Variants in PPP6C observed in about 807,000 individuals in gnomAD.
The protein encoded by PPP6C is serine/threonine-protein phosphatase 6 catalytic subunit.
PPP6C carries 11 observed loss-of-function variants against 39.8 expected under a neutral mutation model. That is an observed-to-expected ratio of 0.28 (90% CI 0.17 to 0.46). PPP6C has a LOEUF of 0.46. Among genes scored for constraint, PPP6C ranks in the 20% least tolerant of loss-of-function variants. PPP6C has a pLI of 1.00. For synonymous variants in PPP6C, 129 were observed against 130.3 expected (o/e 0.99, Z 0.07); for missense variants, 211 against 373.9 (o/e 0.56, Z 3.59).
At chr9:125,174,066 G>C (rs560067207) in intron 1 of PPP6C, among the ~76,000 whole-genome samples, 1 of 152,314 alleles carries the variant, frequency 6.6e-6, no homozygotes, top group African/African-American at 2.4e-5. Flanking sequence ...GCTATATACA[G>C]GGAACTGGAG....
chr9:125,183,959 T>C (rs568325190), intron 1 of PPP6C, among the ~76,000 whole-genome samples: 10 of 152,244 alleles, frequency 6.6e-5, no homozygotes, highest in South Asian at 2.1e-4. Context: ...CAAGGAACCA[T>C]GTAAATAAGT....
At chr9:125,150,421 GGTGTGTGTGT>G (rs113973939) in intron 6 of PPP6C, among the ~76,000 whole-genome samples, 1 of 149,856 alleles carries the variant, frequency 6.7e-6, no homozygotes, top group African/African-American at 2.5e-5. Context: ...CAATATAAGG[GGTGTGTGTGT>G]GTGTGTGTGT....
Position 125,188,921 on chromosome 9 carries a change from C to A in PPP6C, c.75+723G>T. The A allele has an allele frequency of 1.9e-6, 3 of 1,548,996 alleles. No homozygotes were observed. The South Asian group carries it at 3.6e-5, about 18-fold the overall frequency. On this transcript the variant is annotated intron_variant, in intron 1 of 6. Transcript: ENST00000373547. The stretch of plus-strand genomic sequence containing the variant: ...CTCAGGAGTAACAAGGAACTCACCT[C>A]CTTTAGAAAACGAAGAAAATGAAAT...
chr9:125,171,460 T>TAC (rs138335451), intron 1 of PPP6C, among the ~76,000 whole-genome samples: 2,010 of 95,318 alleles, frequency 0.021, 29 homozygotes, highest in Middle Eastern at 0.051. Flanking sequence ...CACACACATA[T>TAC]ACACACACAC....
intron 2 of PPP6C, among the ~76,000 whole-genome samples, chr9:125,165,758 G>A (rs564570980): frequency 2.7e-5 from 4 of 148,638 alleles, no homozygotes; most frequent in African/African-American, 5.0e-5. Context: ...AAAGTTAATC[G>A]CAATATGAAA....
intron 4 of PPP6C, among the ~76,000 whole-genome samples, chr9:125,156,969 A>G (rs1836092227): frequency 6.6e-6 from 1 of 151,850 alleles, no homozygotes. Flanking sequence ...CCCCACCACC[A>G]TGCCCGGCTA....
intron 3 of PPP6C, 38 bp downstream of exon 3, chr9:125,160,803 T>C (rs1354222030): frequency 8.5e-6 from 12 of 1,416,990 alleles, no homozygotes; most frequent in Non-Finnish European, 1.9e-6. Flanking sequence ...ATCCTTTCCA[T>C]TTTAAACAAG....
chr9:125,162,105 A>T (rs1302015138), intron 2 of PPP6C, among the ~76,000 whole-genome samples: 1 of 151,720 alleles, frequency 6.6e-6, no homozygotes, highest in Non-Finnish European at 1.5e-5. Flanking sequence ...AAAAAAAAAC[A>T]ACTTTAGGAA....
intron 1 of PPP6C, 89 bp from the exon 2 acceptor site, chr9:125,171,269 A>C: frequency 2.0e-6 from 2 of 1,000,788 alleles, no homozygotes; most frequent in South Asian, 3.6e-5. Flanking sequence ...CAGGTCTAAT[A>C]CTTACAAAAC....
chr9:125,148,180 T>C lies in PPP6C; in HGVS notation c.*1493A>G, dbSNP rs1180348967. 3 of 169,462 alleles carry C rather than the reference T, an allele frequency of 1.8e-5. No individual in the cohort carries two copies. The highest frequency in any genetic ancestry group is 3.8e-5 in the Non-Finnish European group (3 of 79,208). The allele number at this position is 169,462 out of a possible 1,614,324, so 10.5% of individuals were successfully genotyped here. ...GACTATAAAGATTTTTATTGCATTT[T>C]TAGGTAACCTGGAAGTTCTTATCCT... is the stretch of plus-strand genomic sequence containing the variant. On this transcript the variant is annotated 3_prime_UTR_variant, in exon 7 of 7. Transcript: ENST00000373547.
intron 1 of PPP6C, among the ~76,000 whole-genome samples, chr9:125,174,893 CAG>C (rs1356150922): frequency 1.3e-5 from 2 of 151,598 alleles, no homozygotes; most frequent in Admixed American, 6.6e-5. Flanking sequence ...GTCTGGGCGA[CAG>C]AGTGAGAACC....
intron 1 of PPP6C, among the ~76,000 whole-genome samples, chr9:125,183,788 C>G (rs563433400): frequency 6.6e-6 from 1 of 152,272 alleles, no homozygotes; most frequent in South Asian, 2.1e-4. Flanking sequence ...ATCTCTGACT[C>G]TAAAGTTACA....
intron 6 of PPP6C, chr9:125,151,680 C>T (rs567153870): frequency 2.1e-5 from 10 of 466,154 alleles, no homozygotes; most frequent in Non-Finnish European, 3.6e-5. Flanking sequence ...GCAGAAGACC[C>T]AGCTTGCTCC....
intron 6 of PPP6C, among the ~76,000 whole-genome samples, chr9:125,152,130 G>T (rs368108364): frequency 6.0e-4 from 92 of 152,184 alleles, no homozygotes; most frequent in African/African-American, 2.0e-3. Context: ...GGGTGGTTGA[G>T]GGGGGAGGCA....
chr9:125,181,151 C>T (rs892948890), intron 1 of PPP6C, among the ~76,000 whole-genome samples: 1 of 152,166 alleles, frequency 6.6e-6, no homozygotes, highest in South Asian at 2.1e-4. Context: ...ATAAACGCTA[C>T]GTGACTCAAT....
chr9:125,168,571 G>A (rs940788763), intron 2 of PPP6C, among the ~76,000 whole-genome samples: 1 of 152,010 alleles, frequency 6.6e-6, no homozygotes, highest in African/African-American at 2.4e-5. Flanking sequence ...CAATTCTCCT[G>A]CCTCAGCCTC....
At chr9:125,180,268 A>G (rs577766839) in intron 1 of PPP6C, among the ~76,000 whole-genome samples, 2 of 152,210 alleles carry the variant, frequency 1.3e-5, no homozygotes, top group African/African-American at 4.8e-5. Flanking sequence ...CAATTTCAAA[A>G]TATCAGTGTT....
chr9:125,154,094 G>A (rs1383123942), intron 4 of PPP6C, 109 bp from the exon 5 acceptor site: 2 of 807,778 alleles, frequency 2.5e-6, no homozygotes, highest in Admixed American at 5.1e-5. Flanking sequence ...CTTAAACTAG[G>A]ATAGCAAGAT....
intron 2 of PPP6C, among the ~76,000 whole-genome samples, chr9:125,166,440 AGTTT>A (rs1401616720): frequency 1.3e-5 from 2 of 152,130 alleles, no homozygotes; most frequent in Non-Finnish European, 2.9e-5. Context: ...AAATAATCAC[AGTTT>A]GTCAGTCATT....
Sources: allele counts gnomAD v4.1 joint callset (sites outside exome capture counted in the v4.1 genomes callset), GRCh38; gene constraint gnomAD v4.1.1; transcripts MANE v1.5; gene names NCBI Gene and HGNC (gene_info 2026-07-23, HGNC 2026-07-21).